Variants in SLC10A7 observed in about 807,000 individuals in gnomAD.
SLC10A7 encodes the protein solute carrier family 10 member 7.
SLC10A7 carries 29 observed loss-of-function variants against 43.2 expected under a neutral mutation model. That is an observed-to-expected ratio of 0.67 (90% CI 0.50 to 0.92). The LOEUF (loss-of-function observed/expected upper bound fraction) is 0.92. SLC10A7 is among the 40% of genes least tolerant of loss of function. The pLI, the probability that SLC10A7 is intolerant of heterozygous loss-of-function variation, is 0.00. For missense variants in SLC10A7, 295 were observed against 403.2 expected, an observed-to-expected ratio of 0.73 and a Z score of 2.30; for synonymous variants, 152 against 144.8, an observed-to-expected ratio of 1.05 and a Z score of -0.35.
At chr4:146,299,072 T>C (rs1333331220) in intron 7 of SLC10A7, among the ~76,000 whole-genome samples, 1 of 152,240 alleles carries the variant, frequency 6.6e-6, no homozygotes, top group Non-Finnish European at 1.5e-5. Context: ...AAGAAAAATA[T>C]ATTCAGCTCA....
chr4:146,330,463 G>C (rs1733453600), intron 5 of SLC10A7, among the ~76,000 whole-genome samples: 1 of 152,074 alleles, frequency 6.6e-6, no homozygotes, highest in Admixed American at 6.6e-5. Context: ...AGTTTTGAAA[G>C]GGATCTTAGA....
In SLC10A7 at chr4:146,418,002, A is replaced by AGATGATGATGATGATGAT. The variant is rs140809624; in HGVS notation, c.435+24763_435+24780dup. 8.2e-5 allele frequency among the ~76,000 whole-genome samples: 12 copies of AGATGATGATGATGATGAT among 147,230 alleles called. 1 individual carries two copies. Among genetic ancestry groups the AGATGATGATGATGATGAT allele is most frequent in the Admixed American group, 4.1e-4 (6 of 14,592 alleles). On this transcript the variant is annotated intron_variant, in intron 5 of 11. Coordinates refer to ENST00000335472, the MANE Select transcript of SLC10A7 (RefSeq NM_001029998.6). ...AGTTCTGAACAGACAATATCTGAAC[A>AGATGATGATGATGATGAT]GATGATGATGATGATGATGATGATG... is the stretch of plus-strand genomic sequence containing the variant.
At chr4:146,367,943 C>T (rs768804743) in intron 5 of SLC10A7, among the ~76,000 whole-genome samples, 5 of 152,180 alleles carry the variant, frequency 3.3e-5, no homozygotes, top group Non-Finnish European at 5.9e-5. Context: ...AATTTTAAAA[C>T]TATCACAGTC....
At chr4:146,428,982 T>C (rs1396551639) in intron 5 of SLC10A7, among the ~76,000 whole-genome samples, 2 of 152,126 alleles carry the variant, frequency 1.3e-5, no homozygotes, top group Non-Finnish European at 2.9e-5. Flanking sequence ...TAAACTATTA[T>C]ACAGGGATAA....
chr4:146,466,776 A>C (rs1733072606), intron 4 of SLC10A7, among the ~76,000 whole-genome samples: 1 of 152,166 alleles, frequency 6.6e-6, no homozygotes. Flanking sequence ...AGAGTACTTA[A>C]GTGGTTGAGA....
At chr4:146,256,713 A>T (rs58191358) in intron 11 of SLC10A7, 193 bp from the exon 12 acceptor site, 246,447 of 1,018,432 alleles carry the variant, frequency 0.24, 32,041 homozygotes, top group African/African-American at 0.47. Context: ...AGACTTTGTC[A>T]TTTCCCCTCC....
chr4:146,290,044 G>A (rs1390544889), intron 9 of SLC10A7, among the ~76,000 whole-genome samples: 1 of 149,374 alleles, frequency 6.7e-6, no homozygotes, highest in Non-Finnish European at 1.5e-5. Context: ...AAATTCTTGG[G>A]CTGGGCGTGG....
rs1460012742 is a variant in SLC10A7, at chr4:146,256,171, C to T, written c.*320G>A. 1.3e-5 allele frequency: 4 copies of T among 310,790 alleles called. No homozygotes were observed. In the East Asian group the frequency reaches 3.0e-4, roughly 23 times the overall value. 19.3% of individuals were successfully genotyped at this position (310,790 alleles called of 1,614,324 possible). On this transcript the variant is annotated 3_prime_UTR_variant, in exon 12 of 12. Coordinates refer to ENST00000335472, the MANE Select transcript of SLC10A7 (RefSeq NM_001029998.6). ...GACCTCATTTCAAACATTACAGTAA[C>T]TACTATAGGGTTGTATTGCACAAAG...
At chr4:146,338,264 T>A (rs1349070464) in intron 5 of SLC10A7, among the ~76,000 whole-genome samples, 1 of 152,012 alleles carries the variant, frequency 6.6e-6, no homozygotes, top group Non-Finnish European at 1.5e-5. Context: ...TAGTTGACAT[T>A]TATTGAATGC....
rs147638592 is a variant in SLC10A7 at position 146,272,160 on chromosome 4, G to C, written c.847+11032C>G. Among the ~76,000 whole-genome samples, 119 of 152,292 alleles carry C rather than the reference G, an allele frequency of 7.8e-4. 2 individuals are homozygous for C. The highest frequency in any genetic ancestry group is 2.3e-3 in the African/African-American group (95 of 41,568). On this transcript the variant is annotated intron_variant, in intron 10 of 11. Coordinates refer to ENST00000335472, the MANE Select transcript of SLC10A7 (RefSeq NM_001029998.6). The stretch of plus-strand genomic sequence containing the variant: ...TAAACACTTGCTGAATGAATGAATG[G>C]ATGATGTAGATTATGTTTTAAAAGC...
At chr4:146,342,642 A>G (rs1242019392) in intron 5 of SLC10A7, among the ~76,000 whole-genome samples, 1 of 151,750 alleles carries the variant, frequency 6.6e-6, no homozygotes, top group East Asian at 1.9e-4. Context: ...ATTTTTCAAT[A>G]AAGCATGCAA....
At chr4:146,378,340 C>G (rs1390815157) in intron 5 of SLC10A7, among the ~76,000 whole-genome samples, 1 of 152,154 alleles carries the variant, frequency 6.6e-6, no homozygotes, top group Non-Finnish European at 1.5e-5. Flanking sequence ...CGATAATGTT[C>G]TGGTCTTAAA....
chr4:146,319,947 G>A (rs1732584917), intron 6 of SLC10A7, among the ~76,000 whole-genome samples: 4 of 152,028 alleles, frequency 2.6e-5, no homozygotes, highest in Non-Finnish European at 1.5e-5. Flanking sequence ...GAGAAAAGGC[G>A]AAGAATATGG....
At chr4:146,274,395 G>A (rs1398630484) in intron 10 of SLC10A7, among the ~76,000 whole-genome samples, 1 of 151,822 alleles carries the variant, frequency 6.6e-6, no homozygotes, top group East Asian at 1.9e-4. Flanking sequence ...GTAGAGACAG[G>A]GTTTCACCAT....
chr4:146,386,357 T>A (rs911257862), intron 5 of SLC10A7, among the ~76,000 whole-genome samples: 3 of 152,140 alleles, frequency 2.0e-5, no homozygotes, highest in South Asian at 2.1e-4. Context: ...TAAAAAAAAA[T>A]GTTTTTAAAC....
intron 5 of SLC10A7, among the ~76,000 whole-genome samples, chr4:146,438,867 A>T (rs574549370): frequency 6.6e-6 from 1 of 152,198 alleles, no homozygotes; most frequent in African/African-American, 2.4e-5. Context: ...TCTATTTTTT[A>T]AAAACTGAAA....
At chr4:146,402,967 C>T (rs981577322) in intron 5 of SLC10A7, among the ~76,000 whole-genome samples, 4 of 152,002 alleles carry the variant, frequency 2.6e-5, no homozygotes, top group African/African-American at 9.7e-5. Context: ...TGTAGTCTTG[C>T]AAAAATTTTC....
At chr4:146,473,002 A>C (rs1386617840) in intron 4 of SLC10A7, among the ~76,000 whole-genome samples, 1 of 152,204 alleles carries the variant, frequency 6.6e-6, no homozygotes, top group East Asian at 1.9e-4. Flanking sequence ...AAGATTCCTC[A>C]ATCAATATAG....
intron 5 of SLC10A7, among the ~76,000 whole-genome samples, chr4:146,410,241 C>A (rs1728091498): frequency 1.3e-5 from 2 of 152,138 alleles, no homozygotes; most frequent in Non-Finnish European, 2.9e-5. Context: ...GATCCCAAAT[C>A]TAATAATTTC....
Sources: allele counts gnomAD v4.1 joint callset (sites outside exome capture counted in the v4.1 genomes callset), GRCh38; gene constraint gnomAD v4.1.1; transcripts MANE v1.5; gene names NCBI Gene and HGNC (gene_info 2026-07-23, HGNC 2026-07-21).